The following WDR25 variants were observed in gnomAD, a reference collection of about 807,000 sequenced individuals.
WDR25 encodes WD repeat domain 25, also known as WD repeat-containing protein 25.
A neutral mutation model predicts 47.7 loss-of-function variants in WDR25; 35 were observed. The observed-to-expected ratio is 0.73, with a 90% CI of 0.56 to 0.97. The LOEUF (loss-of-function observed/expected upper bound fraction) is 0.97. Ranked by LOEUF, WDR25 falls within the 50% of genes least tolerant of loss-of-function variation. The pLI, the probability that WDR25 is intolerant of heterozygous loss-of-function variation, is 0.00. For synonymous variants in WDR25, 248 were observed against 278.9 expected (o/e 0.89, Z 1.10); for missense variants, 634 against 704.7 (o/e 0.90, Z 1.14).
Position 100,402,896 on chromosome 14 carries a change from C to T in WDR25, c.822+21150C>T, listed in dbSNP as rs896927223. ...TGCCATAGGGATGAGACCCGTGCAG[C>T]CAGCCAGCACTTAGGGAGATCTGCT... On this transcript the variant is annotated intron_variant, in intron 2 of 6. Transcript: ENST00000402312. 2.6e-5 allele frequency among the ~76,000 whole-genome samples: 4 copies of T among 152,128 alleles called. No individual in the cohort carries two copies. In the East Asian group the frequency reaches 7.7e-4, roughly 29 times the overall value.
intron 4 of WDR25, among the ~76,000 whole-genome samples, chr14:100,492,318 G>A (rs1489423039): frequency 6.6e-6 from 1 of 152,218 alleles, no homozygotes; most frequent in Non-Finnish European, 1.5e-5. Context: ...GACCTGCCCT[G>A]CAACCCAGTC....
rs113791535 is a variant in WDR25, at chr14:100,523,767, C to A, written c.1102-2103C>A. 2.2e-3 allele frequency among the ~76,000 whole-genome samples: 332 copies of A among 152,262 alleles called. 2 individuals are homozygous for A. Among genetic ancestry groups the A allele is most frequent in the African/African-American group, 7.9e-3 (328 of 41,546 alleles). Reference sequence around the variant, plus strand: ...GATCGATCTTCTGCTTTCCCCAAGACCATGTCCCTGCATCTCTACCAGGGG... The same window carrying A: ...GATCGATCTTCTGCTTTCCCCAAGAACATGTCCCTGCATCTCTACCAGGGG... On this transcript the variant is annotated intron_variant, in intron 4 of 6. Coordinates refer to ENST00000402312, the MANE Select transcript of WDR25 (RefSeq NM_001161476.3). The surrounding 1 kb of genome is among the most constrained non-coding windows in gnomAD (Gnocchi z 4.7).
chr14:100,431,206 TAATAA>T (rs1325054899), intron 2 of WDR25, among the ~76,000 whole-genome samples: 3 of 152,222 alleles, frequency 2.0e-5, no homozygotes, highest in Non-Finnish European at 4.4e-5. Context: ...GAGCTTCAGT[TAATAA>T]AATAACTTTT....
intron 1 of WDR25, chr14:100,376,821 G>A: frequency 1.6e-5 from 18 of 1,096,412 alleles, no homozygotes; most frequent in Non-Finnish European, 2.1e-5. Context: ...TACGTAATCA[G>A]GAAATGTTTG....
chr14:100,391,215 C>T (rs1489929011), intron 2 of WDR25, among the ~76,000 whole-genome samples: 1 of 152,126 alleles, frequency 6.6e-6, no homozygotes, highest in Non-Finnish European at 1.5e-5. Context: ...TGTCCTCCCC[C>T]ACCCTGAGAT....
chr14:100,513,889 G>T (rs1485113383), intron 4 of WDR25, among the ~76,000 whole-genome samples: 1 of 150,996 alleles, frequency 6.6e-6, no homozygotes, highest in Non-Finnish European at 1.5e-5. Context: ...TATTAATATA[G>T]ACATTCCTGG....
intron 2 of WDR25, among the ~76,000 whole-genome samples, chr14:100,444,549 TGGCCCCA>T (rs3842316): frequency 0.77 from 115,507 of 150,926 alleles, 44,421 homozygotes; most frequent in East Asian, 0.89. Context: ...CTTCTTGCAC[TGGCCCCA>T]GGCCCCAGGC....
chr14:100,517,185 G>T (rs951487104), intron 4 of WDR25, among the ~76,000 whole-genome samples: 1 of 134,956 alleles, frequency 7.4e-6, no homozygotes, highest in Non-Finnish European at 1.5e-5. Context: ...GCACAATCTC[G>T]GCTCACTGCA....
chr14:100,386,785 C>T (rs1284809958), intron 2 of WDR25, among the ~76,000 whole-genome samples: 2 of 151,854 alleles, frequency 1.3e-5, no homozygotes, highest in Non-Finnish European at 2.9e-5. Context: ...CCCAGCTGCT[C>T]GGGAGGCTGA....
chr14:100,504,189 T>C (rs987880700), intron 4 of WDR25, among the ~76,000 whole-genome samples: 1 of 152,216 alleles, frequency 6.6e-6, no homozygotes, highest in African/African-American at 2.4e-5. Flanking sequence ...AAAACTGTTA[T>C]CCCATCTAGT....
Position 100,530,113 on chromosome 14 carries a change from A to G in WDR25, c.*72A>G, listed in dbSNP as rs79483325. ...CCCCTCTTCCTCAAGGGTAGATGAG[A>G]GGAACGAGCACAGAGGTTGGCTGTG... On this transcript the variant is annotated 3_prime_UTR_variant, in exon 7 of 7. Coordinates refer to ENST00000402312, the MANE Select transcript of WDR25 (RefSeq NM_001161476.3). 937 of 1,492,348 alleles carry G rather than the reference A, an allele frequency of 6.3e-4. 13 individuals are homozygous for G. In the East Asian group the frequency reaches 0.02, roughly 32 times the overall value. 92.4% of individuals were successfully genotyped at this position (1,492,348 alleles called of 1,614,324 possible).
chr14:100,433,569 T>A (rs1898405032), intron 2 of WDR25, among the ~76,000 whole-genome samples: 1 of 152,230 alleles, frequency 6.6e-6, no homozygotes, highest in Non-Finnish European at 1.5e-5. Context: ...CAACTCGTTT[T>A]AGCATCCATC....
At chr14:100,448,600 G>T (rs1413895552) in intron 2 of WDR25, among the ~76,000 whole-genome samples, 1 of 152,144 alleles carries the variant, frequency 6.6e-6, no homozygotes, top group Non-Finnish European at 1.5e-5. Flanking sequence ...AGGAGTGAGG[G>T]TCACTGCCAG....
At chr14:100,417,069 T>C (rs751402307) in intron 2 of WDR25, among the ~76,000 whole-genome samples, 1 of 151,920 alleles carries the variant, frequency 6.6e-6, no homozygotes, top group Non-Finnish European at 1.5e-5. Context: ...GGAGAAAGAG[T>C]CCCTCCAGGG....
At chr14:100,473,086 A>G (rs1899899150) in intron 3 of WDR25, among the ~76,000 whole-genome samples, 1 of 152,138 alleles carries the variant, frequency 6.6e-6, no homozygotes, top group South Asian at 2.1e-4. Context: ...TTTTCAATCT[A>G]TGACTGGGGC....
At chr14:100,412,038 T>C (rs1420232759) in intron 2 of WDR25, among the ~76,000 whole-genome samples, 1 of 152,094 alleles carries the variant, frequency 6.6e-6, no homozygotes, top group Admixed American at 6.5e-5. Flanking sequence ...AAACCCCATC[T>C]CTACAAAAAA....
chr14:100,391,085 G>A (rs1339722634), intron 2 of WDR25, among the ~76,000 whole-genome samples: 1 of 152,116 alleles, frequency 6.6e-6, no homozygotes, highest in Non-Finnish European at 1.5e-5. Flanking sequence ...CCAGGGTGTT[G>A]TGTGATGTTG....
At chr14:100,450,106 A>G (rs570691377) in intron 2 of WDR25, among the ~76,000 whole-genome samples, 4 of 152,354 alleles carry the variant, frequency 2.6e-5, no homozygotes, top group African/African-American at 9.6e-5. Flanking sequence ...AAATCTGCTT[A>G]TCACTTTGCT....
At chr14:100,415,209 CTTT>C (rs1434174846) in intron 2 of WDR25, among the ~76,000 whole-genome samples, 2 of 152,126 alleles carry the variant, frequency 1.3e-5, no homozygotes, top group Non-Finnish European at 2.9e-5. Context: ...ACCCAGGAAG[CTTT>C]GAGCATGTTA....
Sources: gnomAD v4.1 joint callset for allele counts (sites outside exome capture counted in the v4.1 genomes callset) on GRCh38, gnomAD v4.1.1 for gene constraint, Gnocchi (gnomAD v3.1) non-coding constraint, MANE v1.5 for transcripts, NCBI Gene and HGNC (gene_info 2026-07-23, HGNC 2026-07-21) for gene names.